Variants in GUCY1A2 observed in about 807,000 individuals in gnomAD.
GUCY1A2 encodes guanylate cyclase soluble subunit alpha-2.
In GUCY1A2, 27 loss-of-function variants were observed where a neutral mutation model predicts 63.5. The ratio of observed to expected loss-of-function variants is 0.43; its 90% CI spans 0.31 to 0.59. The LOEUF (loss-of-function observed/expected upper bound fraction) is 0.59. GUCY1A2 is among the 20% of genes least tolerant of loss of function. The probability of loss-of-function intolerance (pLI) is 0.11; values close to 1 mark genes in which losing one functional copy is unlikely to be tolerated. For synonymous variants in GUCY1A2, 364 were observed against 343.5 expected (o/e 1.06, Z -0.66); for missense variants, 768 against 913.3 (o/e 0.84, Z 2.05).
chr11:106,913,263 G>A (rs1348285854), intron 4 of GUCY1A2, among the ~76,000 whole-genome samples: 2 of 152,134 alleles, frequency 1.3e-5, no homozygotes, highest in Non-Finnish European at 1.5e-5. Context: ...ATAAAGAAAA[G>A]AGATTTATTT....
Position 106,687,055 on chromosome 11 carries a change from C to T in GUCY1A2, c.*494G>A, listed in dbSNP as rs1862538507. The T allele has an allele frequency of 4.5e-6, 1 of 220,234 alleles. No homozygotes were observed. The highest frequency in any genetic ancestry group is 9.1e-6 in the Non-Finnish European group (1 of 109,968). 13.6% of individuals were successfully genotyped at this position (220,234 alleles called of 1,614,324 possible). On this transcript the variant is annotated 3_prime_UTR_variant, in exon 8 of 8. Transcript: ENST00000526355. ...ATCCCTAAAATATTTTGCCGAGTTA[C>T]AATTCTTCCAGTTGGGAAGTTTACC...
At chr11:106,700,035 G>T (rs1036251783) in intron 7 of GUCY1A2, among the ~76,000 whole-genome samples, 1 of 151,700 alleles carries the variant, frequency 6.6e-6, no homozygotes, top group African/African-American at 2.4e-5. Context: ...CGCCCGCCTC[G>T]GCCTCCCAGG....
intron 6 of GUCY1A2, among the ~76,000 whole-genome samples, chr11:106,713,104 A>C (rs1365888949): frequency 6.6e-6 from 1 of 152,170 alleles, no homozygotes; most frequent in African/African-American, 2.4e-5. Context: ...TCCCTGAGCC[A>C]CAGCCTGGAT....
Position 106,982,776 on chromosome 11 carries a change from A to G in GUCY1A2, c.365+3294T>C, listed in dbSNP as rs1218193827. Reference sequence around the variant, plus strand: ...GTTGGTAAGTTGAGAAACCAACAGAAGGTTGAAATGGAGTGAAAAAAAGGA... The same window carrying G: ...GTTGGTAAGTTGAGAAACCAACAGAGGGTTGAAATGGAGTGAAAAAAAGGA... On this transcript the variant is annotated intron_variant, in intron 2 of 7. Transcript: ENST00000526355. 2.0e-5 allele frequency among the ~76,000 whole-genome samples: 3 copies of G among 152,230 alleles called. No individual in the cohort carries two copies. In the East Asian group the frequency reaches 5.8e-4, roughly 29 times the overall value.
At position 106,939,925 on chromosome 11, in the gene GUCY1A2, C is replaced by A. The variant is rs1355065899; in HGVS notation, c.741G>T (p.Gly247=). The change falls in exon 4 of 8, where the codon GGG becomes GGT. Residue 247 remains glycine (G), a synonymous_variant. Transcript: ENST00000526355. The part of the protein sequence containing the change: ...LHYFHPHHIV[G]FAMLGMIKAA... ...CCTTAATCATCCCCAGCATTGCAAA[C>A]CCCACAATATGGTGAGGGTGGAAGT... 2 of 1,613,884 alleles carry A rather than the reference C, an allele frequency of 1.2e-6. No homozygotes were observed. Among genetic ancestry groups the A allele is most frequent in the East Asian group, 2.2e-5 (1 of 44,884 alleles).
chr11:106,891,570 T>C (rs1773954919), intron 4 of GUCY1A2, among the ~76,000 whole-genome samples: 1 of 152,184 alleles, frequency 6.6e-6, no homozygotes, highest in Admixed American at 6.5e-5. Context: ...TTTATGTCTA[T>C]GATCCATCTT....
intron 3 of GUCY1A2, among the ~76,000 whole-genome samples, chr11:106,968,369 T>C (rs1055964447): frequency 1.3e-5 from 2 of 152,126 alleles, no homozygotes; most frequent in African/African-American, 2.4e-5. Flanking sequence ...AGGATTCAAA[T>C]CAATAATGCA....
At chr11:106,809,778 C>G (rs538417603) in intron 5 of GUCY1A2, among the ~76,000 whole-genome samples, 1 of 146,472 alleles carries the variant, frequency 6.8e-6, no homozygotes, top group African/African-American at 2.5e-5. Context: ...CCTTACTGAG[C>G]AATATCATGA....
intron 1 of GUCY1A2, among the ~76,000 whole-genome samples, chr11:107,015,805 T>C (rs546052206): frequency 3.2e-4 from 49 of 152,246 alleles, no homozygotes; most frequent in Admixed American, 2.0e-3. Context: ...AAATAGTTTA[T>C]AAAATTACGC....
chr11:106,761,205 C>A (rs931611979), intron 6 of GUCY1A2, among the ~76,000 whole-genome samples: 2 of 152,154 alleles, frequency 1.3e-5, no homozygotes, highest in Non-Finnish European at 2.9e-5. Context: ...TAAGTATAAT[C>A]AAATACTTTT....
rs189683212 is a variant in GUCY1A2 at position 106,918,443 on chromosome 11, A to G, written c.1206+21017T>C. On this transcript the variant is annotated intron_variant, in intron 4 of 7. Coordinates refer to ENST00000526355, the MANE Select transcript of GUCY1A2 (RefSeq NM_000855.3). Reference sequence around the variant, plus strand: ...ACTCTTAAACAATGCATAATTCTACATATTTACTTGTAAGGAGACAACAGA... The same window carrying G: ...ACTCTTAAACAATGCATAATTCTACGTATTTACTTGTAAGGAGACAACAGA... Among the ~76,000 whole-genome samples, 158 of 145,434 alleles carry G rather than the reference A, an allele frequency of 1.1e-3. 5 individuals carry two copies. The highest frequency in any genetic ancestry group is 3.6e-3 in the African/African-American group (147 of 40,940).
At chr11:106,827,639 T>A in intron 4 of GUCY1A2, 2 of 1,531,196 alleles carry the variant, frequency 1.3e-6, no homozygotes, top group Admixed American at 3.3e-5. Flanking sequence ...TTACGCCAGA[T>A]TCTATAACCT....
intron 4 of GUCY1A2, among the ~76,000 whole-genome samples, chr11:106,923,628 AT>A (rs1235243866): frequency 6.6e-6 from 1 of 152,070 alleles, no homozygotes; most frequent in Non-Finnish European, 1.5e-5. Context: ...TAGGAGAAAG[AT>A]TTTTTTTAAT....
intron 3 of GUCY1A2, among the ~76,000 whole-genome samples, chr11:106,976,567 AAGG>A (rs1861265297): frequency 6.6e-6 from 1 of 152,292 alleles, no homozygotes; most frequent in East Asian, 1.9e-4. Flanking sequence ...GACATTATTC[AAGG>A]AGAACAGCTA....
At chr11:106,746,517 T>G (rs780282785) in intron 6 of GUCY1A2, 1 of 1,154,572 alleles carries the variant, frequency 8.7e-7, no homozygotes, top group South Asian at 1.3e-5. Flanking sequence ...CTGTATCCTC[T>G]GTTTTCCTTC....
intron 3 of GUCY1A2, among the ~76,000 whole-genome samples, chr11:106,970,852 T>C (rs1861183965): frequency 6.7e-6 from 1 of 148,884 alleles, no homozygotes; most frequent in South Asian, 2.2e-4. Context: ...ATAAGCAAAC[T>C]GTGGTACATG....
chr11:106,912,838 A>G (rs1860314406), intron 4 of GUCY1A2, among the ~76,000 whole-genome samples: 1 of 152,174 alleles, frequency 6.6e-6, no homozygotes, highest in Non-Finnish European at 1.5e-5. Flanking sequence ...TTCTGTCTAC[A>G]CAGCATAAGA....
intron 6 of GUCY1A2, among the ~76,000 whole-genome samples, chr11:106,723,577 C>G (rs1400517563): frequency 2.0e-5 from 3 of 152,230 alleles, no homozygotes; most frequent in African/African-American, 7.2e-5. Context: ...GTAATCCCAT[C>G]ACTTTGGGAG....
chr11:106,891,123 A>T (rs950627880), intron 4 of GUCY1A2, among the ~76,000 whole-genome samples: 2 of 152,084 alleles, frequency 1.3e-5, no homozygotes, highest in African/African-American at 4.8e-5. Context: ...TTTGCTCCTT[A>T]TCCTTGCTGA....
Sources: allele counts gnomAD v4.1 joint callset (sites outside exome capture counted in the v4.1 genomes callset), GRCh38; gene constraint gnomAD v4.1.1; transcripts MANE v1.5; gene names NCBI Gene and HGNC (gene_info 2026-07-23, HGNC 2026-07-21).